The following GCN1 variants were observed in gnomAD, a reference collection of about 807,000 sequenced individuals.
The protein encoded by GCN1 is stalled ribosome sensor GCN1.
GCN1 carries 90 observed loss-of-function variants against 288.4 expected under a neutral mutation model. The ratio of observed to expected loss-of-function variants is 0.31; its 90% CI spans 0.26 to 0.37. The LOEUF is 0.37. Ranked by LOEUF, GCN1 falls within the 10% of genes least tolerant of loss-of-function variation. GCN1 has a pLI of 1.00. For missense variants in GCN1, 2,586 were observed against 3,419.9 expected (o/e 0.76, Z 6.08); for synonymous variants, 1,386 against 1,420.2 (o/e 0.98, Z 0.54).
At position 120,175,022 on chromosome 12, in the gene GCN1, G is replaced by C; in HGVS notation, c.1093+140C>G. Reference sequence around the variant, plus strand: ...TGCACCAGTAATCCCAGCTACTAAGGAGGCTGAGGCATGAGGATCGCTTGA... The same window carrying C: ...TGCACCAGTAATCCCAGCTACTAAGCAGGCTGAGGCATGAGGATCGCTTGA... On this transcript the variant is annotated intron_variant, in intron 12 of 57. Transcript: ENST00000300648. The C allele has an allele frequency of 7.5e-6, 5 of 665,256 alleles. 1 individual carries two copies. The East Asian group carries it at 1.3e-4, about 18-fold the overall frequency. The allele number at this position is 665,256 out of a possible 1,614,324, so 41.2% of individuals were successfully genotyped here.
At chr12:120,171,157 A>AG (rs1464230732) in intron 14 of GCN1, among the ~76,000 whole-genome samples, 10 of 150,254 alleles carry the variant, frequency 6.7e-5, no homozygotes, top group Non-Finnish European at 1.2e-4. Flanking sequence ...AAAAAAAAAA[A>AG]AGAGAAACCA....
chr12:120,131,328 C>G lies in GCN1; in HGVS notation c.7420G>C (p.Val2474Leu). The G allele has an allele frequency of 6.2e-7, 1 of 1,613,868 alleles. No individual in the cohort carries two copies. Among genetic ancestry groups the G allele is most frequent in the Admixed American group, 1.7e-5 (1 of 60,026 alleles). ...CGAACCATCCAGTCAATGCCGGACACGTCCGCTGGGTGGAAGGACACGACT... is the reference window on the plus strand; with the variant it reads ...CGAACCATCCAGTCAATGCCGGACAGGTCCGCTGGGTGGAAGGACACGACT... ...AVLQQCLLAD[V>L]SGIDWMVRHG... is the part of the protein sequence containing the mutation. The change falls in exon 55 of 58, where the codon GTG becomes CTG. Residue 2474 changes from valine to leucine, a missense_variant. By Grantham distance (32) the Val-to-Leu change is conservative. Around this residue, in one of 8 missense-constraint regions of GCN1, gnomAD observed 355 missense variants for 431.1 expected, o/e 0.82. Transcript: ENST00000300648.
chr12:120,134,387 G>A lies in GCN1; in HGVS notation c.7221C>T (p.Ala2407=), dbSNP rs370472146. The A allele has an allele frequency of 6.2e-7, 1 of 1,613,638 alleles. No individual in the cohort carries two copies. The highest frequency in any genetic ancestry group is 8.5e-7 in the Non-Finnish European group (1 of 1,179,782). The change falls in exon 53 of 58, where the codon GCC becomes GCT. Residue 2407 remains alanine (A), a synonymous_variant. Transcript: ENST00000300648. The surrounding 1 kb of genome is among the most constrained non-coding windows in gnomAD (Gnocchi z 5.0). ...DPGVRDTMLQ[A]LRFVIQGAGA... is the part of the protein sequence containing the mutation. Reference sequence around the variant, plus strand: ...CTGCTCCCTGAATCACAAACCTCAGGGCCTGCAGCATGGTGTCCCTGCAGA... The same window carrying A: ...CTGCTCCCTGAATCACAAACCTCAGAGCCTGCAGCATGGTGTCCCTGCAGA...
chr12:120,158,775 G>A lies in GCN1; in HGVS notation c.2750-160C>T, dbSNP rs1877834329. On this transcript the variant is annotated intron_variant, in intron 24 of 57. Transcript: ENST00000300648. This position sits in a 1 kb window ranked among gnomAD's most constrained non-coding sequence, Gnocchi z 4.3. Reference sequence around the variant, plus strand: ...TGCCTGTAATCCCAGCACTTTGGGAGGCCGAGGCGGGCGGATCATGAGGTC... The same window carrying A: ...TGCCTGTAATCCCAGCACTTTGGGAAGCCGAGGCGGGCGGATCATGAGGTC... 2.0e-5 allele frequency among the ~76,000 whole-genome samples: 3 copies of A among 152,176 alleles called. No individual in the cohort carries two copies. The highest frequency in any genetic ancestry group is 2.1e-4 in the South Asian group (1 of 4,828).
rs1467401250 is a variant in GCN1 at position 120,134,453 on chromosome 12, C to A, written c.7203-48G>T. On this transcript the variant is annotated intron_variant, in intron 52 of 57. Coordinates refer to ENST00000300648, the MANE Select transcript of GCN1 (RefSeq NM_006836.2). The surrounding 1 kb of genome is among the most constrained non-coding windows in gnomAD (Gnocchi z 5.0). Reference sequence around the variant, plus strand: ...TAAGCCCTGGGTGCCTCCACCACCACCCCTCCTGCCAGCGCAGGCTCGGCC... The same window carrying A: ...TAAGCCCTGGGTGCCTCCACCACCAACCCTCCTGCCAGCGCAGGCTCGGCC... 1 of 1,590,400 alleles carries A rather than the reference C, an allele frequency of 6.3e-7. No individual in the cohort carries two copies. The highest frequency in any genetic ancestry group is 8.6e-7 in the Non-Finnish European group (1 of 1,158,896).
At position 120,149,916 on chromosome 12, in the gene GCN1, A is replaced by T. The variant is rs1199427823; in HGVS notation, c.4431+6T>A. The T allele has an allele frequency of 1.9e-6, 3 of 1,614,032 alleles. No homozygotes were observed. The highest frequency in any genetic ancestry group is 1.7e-5 in the Admixed American group (1 of 59,998). ...TGCTGTTCTCCCGAGCAGTCCGGGG[A>T]CTTACCTCACGCACATACTGGTTTC... On this transcript the variant is annotated splice_donor_region_variant and intron_variant, in intron 35 of 57. Coordinates refer to ENST00000300648, the MANE Select transcript of GCN1 (RefSeq NM_006836.2).
rs372543169 is a variant in GCN1, at chr12:120,145,053, G to A, written c.5025C>T (p.Thr1675=). The A allele has an allele frequency of 3.0e-5, 48 of 1,613,854 alleles. No individual in the cohort carries two copies. Among genetic ancestry groups the A allele is most frequent in the Admixed American group, 1.8e-4 (11 of 60,014 alleles). ...TGGCCCCAAGGGCCTTTGCAGATAC[G>A]GTCCGCACCTGTCAGGTAACCGAGA... ...SLLDPVPEVR[T]VSAKALGAMV... is the part of the protein sequence containing the mutation. The change falls in exon 40 of 58, where the codon ACC becomes ACT. Residue 1675 remains threonine, a synonymous_variant. Coordinates refer to ENST00000300648, the MANE Select transcript of GCN1 (RefSeq NM_006836.2).
In GCN1 at chr12:120,134,596, T is replaced by A; in HGVS notation, c.7139A>T (p.Lys2380Met). ...CAGCTCTGTGAAGAGGGGGTCCACC[T>A]TAATGTGGATGGAAATGAGCTTCCC... Reference protein sequence around the residue: ...ALGKLISIHIKVDPLFTELLN... With the variant: ...ALGKLISIHIMVDPLFTELLN... The change falls in exon 52 of 58, where the codon AAG (lysine) becomes ATG (methionine). Residue 2380 changes from lysine to methionine, a missense_variant. Around this residue, in one of 8 missense-constraint regions of GCN1, gnomAD observed 355 missense variants for 431.1 expected, o/e 0.82. Coordinates refer to ENST00000300648, the MANE Select transcript of GCN1 (RefSeq NM_006836.2). This position sits in a 1 kb window ranked among gnomAD's most constrained non-coding sequence, Gnocchi z 5.0. The A allele has an allele frequency of 6.2e-7, 1 of 1,614,158 alleles. No individual in the cohort carries two copies. Among genetic ancestry groups the A allele is most frequent in the Non-Finnish European group, 8.5e-7 (1 of 1,180,010 alleles).
chr12:120,168,169 G>C (rs199786471), intron 16 of GCN1, 39 bp downstream of exon 16: 2 of 1,167,726 alleles, frequency 1.7e-6, no homozygotes, highest in Admixed American at 3.4e-5. Flanking sequence ...AAGAGACTTT[G>C]CCTCAATCCC....
rs1877928785 is a variant in GCN1 at position 120,161,591 on chromosome 12, A to C, written c.2343-8T>G. On this transcript the variant is annotated splice_polypyrimidine_tract_variant and splice_region_variant and intron_variant, in intron 21 of 57. Transcript: ENST00000300648. ...ATGCTGTCCTGCTGGGCACTGAAAC[A>C]CCAGAGTGGGTCATCAGCCAGCTTG... is the stretch of plus-strand genomic sequence containing the variant. The C allele has an allele frequency of 6.2e-7, 1 of 1,603,102 alleles. No homozygotes were observed. Among genetic ancestry groups the C allele is most frequent in the Non-Finnish European group, 8.5e-7 (1 of 1,170,182 alleles).
chr12:120,138,169 A>G, intron 47 of GCN1, 125 bp from the exon 48 acceptor site: 2 of 981,596 alleles, frequency 2.0e-6, no homozygotes, highest in Admixed American at 4.1e-5. Flanking sequence ...ACTCCAGCAT[A>G]TCTTGGAAGA....
At chr12:120,161,854 A>G (rs1284098309) in intron 21 of GCN1, 26 bp downstream of exon 21, 12 of 1,609,364 alleles carry the variant, frequency 7.5e-6, no homozygotes, top group African/African-American at 1.3e-5. Flanking sequence ...GAGCAAAGGA[A>G]ACTGAGCCCA....
At chr12:120,173,872 A>G (rs1319901460) in intron 13 of GCN1, 46 bp from the exon 14 acceptor site, 2 of 1,514,180 alleles carry the variant, frequency 1.3e-6, no homozygotes, top group South Asian at 2.3e-5. Flanking sequence ...TCTTATAACC[A>G]TGTCAAATCA....
At position 120,189,307 on chromosome 12, in the gene GCN1, G is replaced by A. The variant is rs1430224139; in HGVS notation, c.121+991C>T. On this transcript the variant is annotated intron_variant, in intron 2 of 57. Coordinates refer to ENST00000300648, the MANE Select transcript of GCN1 (RefSeq NM_006836.2). ...AGGCTGGTCTCGAACTCCTGACCTCGTGATCCACTCGCCTCGGCCTCCCAA... is the reference window on the plus strand; with the variant it reads ...AGGCTGGTCTCGAACTCCTGACCTCATGATCCACTCGCCTCGGCCTCCCAA... Among the ~76,000 whole-genome samples, 7 of 151,890 alleles carry A rather than the reference G, an allele frequency of 4.6e-5. No individual in the cohort carries two copies. The South Asian group carries it at 1.0e-3, about 23-fold the overall frequency.
Position 120,136,744 on chromosome 12 carries a change from A to G in GCN1, c.6778-12T>C. ...ATGGAGGTCACTCCCTGACAAGAGA[A>G]CCACAACTGAGAGTCAAATCTCAAA... On this transcript the variant is annotated splice_polypyrimidine_tract_variant and intron_variant, in intron 50 of 57. Transcript: ENST00000300648. 7 of 1,599,366 alleles carry G rather than the reference A, an allele frequency of 4.4e-6. No homozygotes were observed. Among genetic ancestry groups the G allele is most frequent in the Non-Finnish European group, 6.0e-6 (7 of 1,167,272 alleles).
chr12:120,180,261 T>C lies in GCN1; in HGVS notation c.427-1311A>G, dbSNP rs151219906. Among the ~76,000 whole-genome samples, 144 of 151,478 alleles carry C rather than the reference T, an allele frequency of 9.5e-4. 1 individual carries two copies. Among genetic ancestry groups the C allele is most frequent in the African/African-American group, 3.4e-3 (139 of 41,232 alleles). ...ATCGCTTGAACCCAGGAGGCAGAGG[T>C]TGCGGTGAGCCGAGATCACGCCTTT... On this transcript the variant is annotated intron_variant, in intron 5 of 57. Coordinates refer to ENST00000300648, the MANE Select transcript of GCN1 (RefSeq NM_006836.2).
chr12:120,175,495 CCTTTA>C (rs1347091114), intron 11 of GCN1, among the ~76,000 whole-genome samples: 1 of 152,218 alleles, frequency 6.6e-6, no homozygotes, highest in Non-Finnish European at 1.5e-5. Flanking sequence ...TGGTGTATTT[CCTTTA>C]GTTTTTTCTG....
At position 120,137,218 on chromosome 12, in the gene GCN1, G is replaced by A; in HGVS notation, c.6765C>T (p.Cys2255=). 1 of 1,613,432 alleles carries A rather than the reference G, an allele frequency of 6.2e-7. No homozygotes were observed. The highest frequency in any genetic ancestry group is 8.5e-7 in the Non-Finnish European group (1 of 1,179,390). ...ESKGEHVPGF[C]LPKKGVTSIL... is the part of the protein sequence containing the mutation. ...GGCCCTGGCTTACCTTCTTCGGGAG[G>A]CAGAATCCTGGCACATGCTCGCCTT... Residue 2255 remains cysteine (C), a synonymous_variant, in exon 50 of 58, where the codon TGC becomes TGT. Coordinates refer to ENST00000300648, the MANE Select transcript of GCN1 (RefSeq NM_006836.2). This position sits in a 1 kb window ranked among gnomAD's most constrained non-coding sequence, Gnocchi z 5.2.
In GCN1 at chr12:120,138,351, C is replaced by T. The variant is rs771941435; in HGVS notation, c.6221G>A (p.Arg2074His). 24 of 1,609,028 alleles carry T rather than the reference C, an allele frequency of 1.5e-5. No homozygotes were observed. The highest frequency in any genetic ancestry group is 2.2e-5 in the South Asian group (2 of 90,986). Reference protein sequence around the residue: ...GLKQVMAIKSRVVLPYLVPKL... With the variant: ...GLKQVMAIKSHVVLPYLVPKL... ...GGGCACAAGGTAGGGCAGCACCACA[C>T]GACTCTTAATAGCCATGACTTGCTT... Residue 2074 changes from arginine (R) to histidine (H), a missense_variant, in exon 47 of 58, where the codon CGT becomes CAT. Physicochemically the swap from Arg to His is conservative, Grantham distance 29 (BLOSUM62 0). Around this residue, in one of 8 missense-constraint regions of GCN1, gnomAD observed 437 missense variants for 570.5 expected, o/e 0.77. Coordinates refer to ENST00000300648, the MANE Select transcript of GCN1 (RefSeq NM_006836.2).
Sources: gnomAD v4.1 joint callset for allele counts (sites outside exome capture counted in the v4.1 genomes callset) on GRCh38, gnomAD v4.1.1 for gene constraint, gnomAD v4.1.1 regional missense constraint, Gnocchi (gnomAD v3.1) non-coding constraint, MANE v1.5 for transcripts, NCBI Gene and HGNC (gene_info 2026-07-23, HGNC 2026-07-21) for gene names.